Variants in REV3L observed in about 807,000 individuals in gnomAD.
The protein encoded by REV3L is REV3 like, DNA directed polymerase zeta catalytic subunit, also known as DNA polymerase zeta catalytic subunit.
In REV3L, 69 loss-of-function variants were observed where a neutral mutation model predicts 299.4. The ratio of observed to expected loss-of-function variants is 0.23; its 90% confidence interval spans 0.19 to 0.28. The LOEUF is 0.28. REV3L is among the 10% of genes least tolerant of loss of function. REV3L has a pLI of 1.00. For synonymous variants in REV3L, 1,238 were observed against 1,271.4 expected, an observed-to-expected ratio of 0.97 and a Z score of 0.56; for missense variants, 3,128 against 3,693.8, an observed-to-expected ratio of 0.85 and a Z score of 3.97.
intron 11 of REV3L, among the ~76,000 whole-genome samples, chr6:111,378,413 C>T (rs566201315): frequency 9.9e-5 from 15 of 152,196 alleles, no homozygotes; most frequent in Admixed American, 4.6e-4. Flanking sequence ...CTAATCTCAA[C>T]AATTTGAAAT....
At chr6:111,472,084 A>C in intron 1 of REV3L, 1 of 1,252,102 alleles carries the variant, frequency 8.0e-7, no homozygotes, top group Non-Finnish European at 1.0e-6. Flanking sequence ...AAAACAAATA[A>C]TATGATGACA....
At chr6:111,415,735 C>T (rs746497282) in intron 2 of REV3L, among the ~76,000 whole-genome samples, 12 of 152,046 alleles carry the variant, frequency 7.9e-5, no homozygotes, top group Non-Finnish European at 1.6e-4. Flanking sequence ...GATGTTGTTA[C>T]TTTGTCAATG....
At chr6:111,324,172 G>A (rs554008503) in intron 25 of REV3L, among the ~76,000 whole-genome samples, 80 of 152,050 alleles carry the variant, frequency 5.3e-4, no homozygotes, top group Admixed American at 1.3e-3. Context: ...GCTATTTTTC[G>A]TATTTTTAGT....
intron 1 of REV3L, among the ~76,000 whole-genome samples, chr6:111,449,295 A>G (rs1789227587): frequency 6.6e-6 from 1 of 152,196 alleles, no homozygotes; most frequent in Non-Finnish European, 1.5e-5. Context: ...GAGCAGAGGG[A>G]TAAGAAACCC....
chr6:111,455,265 G>A (rs752491982), intron 1 of REV3L, among the ~76,000 whole-genome samples: 28 of 152,056 alleles, frequency 1.8e-4, no homozygotes, highest in Non-Finnish European at 3.4e-4. Context: ...CCATCCAGAG[G>A]AATGGCATTC....
At chr6:111,446,637 GT>G (rs936462949) in intron 1 of REV3L, among the ~76,000 whole-genome samples, 2 of 152,024 alleles carry the variant, frequency 1.3e-5, no homozygotes, top group Admixed American at 1.3e-4. Flanking sequence ...GGAGGCAGAG[GT>G]TGCAGTGAGC....
chr6:111,411,135 A>G (rs560040707), intron 3 of REV3L, among the ~76,000 whole-genome samples: 21 of 152,314 alleles, frequency 1.4e-4, no homozygotes, highest in Non-Finnish European at 2.5e-4. Flanking sequence ...TCACTCCTAC[A>G]TATTTCCCCT....
At chr6:111,310,346 G>A (rs751824943) in intron 29 of REV3L, 3 of 315,974 alleles carry the variant, frequency 9.5e-6, no homozygotes, top group African/African-American at 2.2e-5. Flanking sequence ...ATAATGAGTT[G>A]GCAGATATCA....
intron 20 of REV3L, among the ~76,000 whole-genome samples, chr6:111,345,984 C>T (rs532605461): frequency 6.6e-6 from 1 of 152,238 alleles, no homozygotes; most frequent in East Asian, 1.9e-4. Flanking sequence ...CCTCAAACCC[C>T]AAAAGCCTCT....
intron 1 of REV3L, chr6:111,431,414 G>A (rs1309763503): frequency 1.1e-5 from 11 of 996,926 alleles, no homozygotes; most frequent in East Asian, 4.8e-5. Context: ...TTGGCGTTCC[G>A]GTTAAAGTTT....
intron 21 of REV3L, among the ~76,000 whole-genome samples, chr6:111,341,299 C>T (rs891378096): frequency 3.7e-4 from 57 of 152,138 alleles, no homozygotes; most frequent in African/African-American, 1.3e-3. Context: ...CCGCCCGCCT[C>T]GGCATTCCAA....
At chr6:111,342,915 C>T (rs568899003) in intron 21 of REV3L, among the ~76,000 whole-genome samples, 2 of 152,126 alleles carry the variant, frequency 1.3e-5, no homozygotes, top group East Asian at 1.9e-4. Context: ...AAGAAAAAAA[C>T]GCAACTGAGA....
chr6:111,463,217 A>T (rs1319190470), intron 1 of REV3L, among the ~76,000 whole-genome samples: 1 of 152,194 alleles, frequency 6.6e-6, no homozygotes, highest in African/African-American at 2.4e-5. Flanking sequence ...TCCTTATGCA[A>T]TTCAGTAATC....
In REV3L at chr6:111,367,828, A is replaced by G. The variant is rs1193469486; in HGVS notation, c.5960T>C (p.Val1987Ala). 1.9e-6 allele frequency: 3 copies of G among 1,614,000 alleles called. No individual in the cohort carries two copies. In the East Asian group the frequency reaches 6.7e-5, roughly 36 times the overall value. ...CATAATCACAATTTTTTTATCTTCA[A>G]CCATCTTAGGGCTATTACTTGACCC... ...NKGSSNSPKMVEDKKIVIMPC... is the reference protein window; with the variant it reads ...NKGSSNSPKMAEDKKIVIMPC... The change falls in exon 14 of 32, where the codon GTT becomes GCT. Residue 1987 changes from valine (V) to alanine (A), a missense_variant. Coordinates refer to ENST00000368802, the MANE Select transcript of REV3L (RefSeq NM_001372078.1).
intron 21 of REV3L, among the ~76,000 whole-genome samples, chr6:111,343,319 T>A (rs1408797893): frequency 6.6e-6 from 1 of 152,194 alleles, no homozygotes. Context: ...TTATGAATAT[T>A]TCCATTAATA....
intron 1 of REV3L, among the ~76,000 whole-genome samples, chr6:111,474,304 A>G (rs1439392515): frequency 6.6e-6 from 1 of 152,218 alleles, no homozygotes; most frequent in African/African-American, 2.4e-5. Context: ...GAATACAGAT[A>G]GTCAGGCCTG....
chr6:111,440,352 A>T (rs1363649261), intron 1 of REV3L, among the ~76,000 whole-genome samples: 1 of 152,242 alleles, frequency 6.6e-6, no homozygotes, highest in Non-Finnish European at 1.5e-5. Context: ...TACAGGCGTG[A>T]GCCACCACGC....
chr6:111,475,846 A>T (rs1352024591), intron 1 of REV3L, among the ~76,000 whole-genome samples: 3 of 152,206 alleles, frequency 2.0e-5, no homozygotes, highest in Non-Finnish European at 4.4e-5. Context: ...CGTAAAAAAT[A>T]ATTACCCTAC....
intron 1 of REV3L, among the ~76,000 whole-genome samples, chr6:111,438,495 T>C (rs920469991): frequency 7.8e-5 from 11 of 140,970 alleles, no homozygotes; most frequent in Admixed American, 2.1e-4. Context: ...CCCTGAATCA[T>C]ATTAAGATTA....
Sources: gnomAD v4.1 joint callset for allele counts (sites outside exome capture counted in the v4.1 genomes callset) on GRCh38, gnomAD v4.1.1 for gene constraint, MANE v1.5 for transcripts, NCBI Gene and HGNC (gene_info 2026-07-23, HGNC 2026-07-21) for gene names.